Variants in SFSWAP observed in about 807,000 individuals in gnomAD.
The protein encoded by SFSWAP is splicing factor, suppressor of white-apricot homolog.
Under a neutral mutation model 100.7 loss-of-function variants are expected in SFSWAP, and 17 were observed. The ratio of observed to expected loss-of-function variants is 0.17; its 90% confidence interval spans 0.12 to 0.25. The LOEUF (loss-of-function observed/expected upper bound fraction) is 0.25, where lower values mean the gene tolerates loss of function less well. Ranked by LOEUF, SFSWAP falls within the 10% of genes least tolerant of loss-of-function variation. The pLI, the probability that SFSWAP is intolerant of heterozygous loss-of-function variation, is 1.00. For missense variants in SFSWAP, 1,005 were observed against 1,262.6 expected, an observed-to-expected ratio of 0.80 and a Z score of 3.09; for synonymous variants, 504 against 510.1, an observed-to-expected ratio of 0.99 and a Z score of 0.16.
At position 131,775,935 on chromosome 12, in the gene SFSWAP, C is replaced by CA. The variant is rs200016159; in HGVS notation, c.2143-2113dup. Among the ~76,000 whole-genome samples the CA allele has an allele frequency of 8.1e-3, 690 of 85,366 alleles. 4 individuals are homozygous for CA. Among genetic ancestry groups the CA allele is most frequent in the African/African-American group, 0.017 (387 of 22,786 alleles). The allele number at this position is 85,366 out of a possible 152,430, so 56.0% of individuals were successfully genotyped here. A position where few individuals can be genotyped will look rare whatever the true frequency, so the allele number is the denominator to read the frequency against. On this transcript the variant is annotated intron_variant, in intron 13 of 17. Transcript: ENST00000261674. ...CAAAACCCTTTCTCTACTAAAAATA[C>CA]AAAAAAAAAAAAAAAAATTAGCTGA...
intron 4 of SFSWAP, among the ~76,000 whole-genome samples, chr12:131,723,752 C>T (rs1017022417): frequency 6.6e-6 from 1 of 152,174 alleles, no homozygotes; most frequent in African/African-American, 2.4e-5. Context: ...AGATACCTTT[C>T]TCCTGTTTCC....
At chr12:131,724,229 TAAAG>T (rs1293235132) in intron 4 of SFSWAP, among the ~76,000 whole-genome samples, 2 of 152,290 alleles carry the variant, frequency 1.3e-5, no homozygotes, top group East Asian at 1.9e-4. Flanking sequence ...GTTTGGTCAA[TAAAG>T]AAAGCCTAAA....
intron 3 of SFSWAP, among the ~76,000 whole-genome samples, chr12:131,715,225 T>C (rs1877781769): frequency 6.6e-6 from 1 of 152,240 alleles, no homozygotes; most frequent in African/African-American, 2.4e-5. Context: ...TGTTTCTAGA[T>C]TGGTAACATG....
At chr12:131,712,398 T>G (rs1257743093) in intron 1 of SFSWAP, 5 of 152,212 alleles carry the variant, frequency 3.3e-5, no homozygotes, top group Admixed American at 2.0e-4. Context: ...TTGGGGTTGT[T>G]GTGGGGTGGT....
chr12:131,738,028 A>C (rs1407867153), intron 7 of SFSWAP, among the ~76,000 whole-genome samples: 1 of 152,156 alleles, frequency 6.6e-6, no homozygotes, highest in African/African-American at 2.4e-5. Context: ...TCATAGTGAA[A>C]TGCTGCCCAC....
intron 7 of SFSWAP, among the ~76,000 whole-genome samples, chr12:131,750,350 G>C (rs915611304): frequency 2.0e-5 from 3 of 152,252 alleles, no homozygotes; most frequent in African/African-American, 7.2e-5. Flanking sequence ...ATCTCATCAA[G>C]CAACACATAC....
intron 15 of SFSWAP, among the ~76,000 whole-genome samples, chr12:131,792,859 C>T (rs946700841): frequency 3.3e-5 from 5 of 152,192 alleles, no homozygotes; most frequent in South Asian, 2.1e-4. Flanking sequence ...AACTCCAAAG[C>T]GTGTGTGGAA....
chr12:131,763,520 G>A (rs1339650561), intron 11 of SFSWAP, among the ~76,000 whole-genome samples: 1 of 151,960 alleles, frequency 6.6e-6, no homozygotes, highest in Admixed American at 6.6e-5. Flanking sequence ...TTTTCTTTAG[G>A]GCCTCCATAT....
chr12:131,725,529 G>T lies in SFSWAP; in HGVS notation c.731G>T (p.Arg244Leu). The T allele has an allele frequency of 1.2e-6, 2 of 1,614,110 alleles. No homozygotes were observed. Among genetic ancestry groups the T allele is most frequent in the Non-Finnish European group, 1.7e-6 (2 of 1,180,014 alleles). The change falls in exon 5 of 18, where the codon CGC becomes CTC. Residue 244 changes from arginine (R) to leucine (L), a missense_variant. Arg to Leu is a moderately radical substitution (Grantham distance 102, BLOSUM62 -2). Transcript: ENST00000261674. This position sits in a 1 kb window ranked among gnomAD's most constrained non-coding sequence, Gnocchi z 4.3. ...QARNSQFDFL[R>L]FDHYLNPYYK... Reference sequence around the variant, plus strand: ...CGGAACTCCCAGTTTGACTTTCTGCGCTTCGACCACTACCTCAACCCCTAC... The same window carrying T: ...CGGAACTCCCAGTTTGACTTTCTGCTCTTCGACCACTACCTCAACCCCTAC...
chr12:131,783,358 CTT>C (rs1280757970), intron 14 of SFSWAP: 5 of 152,042 alleles, frequency 3.3e-5, no homozygotes, highest in Admixed American at 6.6e-5. Context: ...ATTTTTAAAA[CTT>C]TTGCTAAGAT....
chr12:131,738,354 A>C (rs981411077), intron 7 of SFSWAP, among the ~76,000 whole-genome samples: 2 of 152,244 alleles, frequency 1.3e-5, no homozygotes, highest in Admixed American at 1.3e-4. Flanking sequence ...CATCATTAGC[A>C]AAGTGGAAAA....
Position 131,725,642 on chromosome 12 carries a change from T to C in SFSWAP, c.832+12T>C, listed in dbSNP as rs1441407572. ...TGACGAGAAAAAAAGTAGGTCCCAC[T>C]GCGTCTGTTCCGTCCAGACTTTGGG... On this transcript the variant is annotated intron_variant, in intron 5 of 17. Coordinates refer to ENST00000261674, the MANE Select transcript of SFSWAP (RefSeq NM_004592.4). The surrounding 1 kb of genome is among the most constrained non-coding windows in gnomAD (Gnocchi z 4.3). The C allele has an allele frequency of 4.4e-6, 7 of 1,597,814 alleles. No individual in the cohort carries two copies. Among genetic ancestry groups the C allele is most frequent in the Non-Finnish European group, 6.0e-6 (7 of 1,168,606 alleles).
intron 12 of SFSWAP, 103 bp downstream of exon 12, chr12:131,764,789 G>T: frequency 3.7e-6 from 3 of 804,114 alleles, no homozygotes; most frequent in Non-Finnish European, 6.0e-6. Context: ...AGAATCTGAA[G>T]CCTTTGGAAA....
At chr12:131,749,832 T>C (rs1162902604) in intron 7 of SFSWAP, among the ~76,000 whole-genome samples, 2 of 152,186 alleles carry the variant, frequency 1.3e-5, no homozygotes, top group East Asian at 3.9e-4. Context: ...TGCACACCAG[T>C]CCTAGTGGCG....
Position 131,714,419 on chromosome 12 carries a change from T to G in SFSWAP, c.388+179T>G, listed in dbSNP as rs1009514427. The G allele has an allele frequency of 7.0e-6, 4 of 568,346 alleles. No homozygotes were observed. The Admixed American group carries it at 1.0e-4, about 14-fold the overall frequency. 35.2% of individuals were successfully genotyped at this position (568,346 alleles called of 1,614,324 possible). A position where few individuals can be genotyped will look rare whatever the true frequency, so the allele number is the denominator to read the frequency against. On this transcript the variant is annotated intron_variant, in intron 2 of 17. Coordinates refer to ENST00000261674, the MANE Select transcript of SFSWAP (RefSeq NM_004592.4). The surrounding 1 kb of genome is among the most constrained non-coding windows in gnomAD (Gnocchi z 6.0). ...AGAGGACCTCAGGATAGTTTATATA[T>G]AGAGCCACAAAGAATTTTCCCAGCT...
chr12:131,799,267 C>T (rs953190034), intron 17 of SFSWAP, among the ~76,000 whole-genome samples, 156 bp from the exon 18 acceptor site: 6 of 152,240 alleles, frequency 3.9e-5, no homozygotes, highest in Non-Finnish European at 7.3e-5. Flanking sequence ...AGGGCAAAGC[C>T]GTGTGGCCCG....
At chr12:131,732,926 G>A (rs1295850700) in intron 7 of SFSWAP, among the ~76,000 whole-genome samples, 1 of 152,182 alleles carries the variant, frequency 6.6e-6, no homozygotes, top group Non-Finnish European at 1.5e-5. Flanking sequence ...CAAACCTGGG[G>A]CCCCGTGGGG....
In SFSWAP at chr12:131,754,408, G is replaced by C. The variant is rs140505420; in HGVS notation, c.1363G>C (p.Asp455His). Reference sequence around the variant, plus strand: ...GGCCGCCATCATCCCCCCGCCCCCCGACGTCCAGCCCGTGATTGACAAGCT... The same window carrying C: ...GGCCGCCATCATCCCCCCGCCCCCCCACGTCCAGCCCGTGATTGACAAGCT... ...PVAAIIPPPP[D>H]VQPVIDKLAE... is the part of the protein sequence containing the mutation. The change falls in exon 9 of 18, where the codon GAC becomes CAC. Residue 455 changes from aspartate to histidine, a missense_variant. By Grantham distance (81) the Asp-to-His change is moderately conservative. Transcript: ENST00000261674. 6.4e-7 allele frequency: 1 copy of C among 1,560,118 alleles called. No homozygotes were observed. The highest frequency in any genetic ancestry group is 1.9e-5 in the Admixed American group (1 of 53,790).
chr12:131,772,521 C>T (rs1244325698), intron 13 of SFSWAP, among the ~76,000 whole-genome samples: 1 of 152,186 alleles, frequency 6.6e-6, no homozygotes, highest in Non-Finnish European at 1.5e-5. Flanking sequence ...CTCGTTTTCT[C>T]GGCTGCCACT....
Sources: allele counts gnomAD v4.1 joint callset (sites outside exome capture counted in the v4.1 genomes callset), GRCh38; gene constraint gnomAD v4.1.1; non-coding constraint Gnocchi (gnomAD v3.1); transcripts MANE v1.5; gene names NCBI Gene and HGNC (gene_info 2026-07-23, HGNC 2026-07-21).